The following ANKRD6 variants were observed in gnomAD, a reference collection of about 807,000 sequenced individuals.
The protein encoded by ANKRD6 is ankyrin repeat domain 6.
ANKRD6 carries 56 observed loss-of-function variants against 82.3 expected under a neutral mutation model. The observed-to-expected ratio is 0.68, with a 90% CI of 0.55 to 0.85. The LOEUF (loss-of-function observed/expected upper bound fraction) is 0.85. Among genes scored for constraint, ANKRD6 ranks in the 40% least tolerant of loss-of-function variants. ANKRD6 has a pLI of 0.00. For synonymous variants in ANKRD6, 347 were observed against 352.1 expected (o/e 0.99, Z 0.16); for missense variants, 852 against 907.6 (o/e 0.94, Z 0.79).
chr6:89,563,526 G>A (rs1273071014), intron 1 of ANKRD6, among the ~76,000 whole-genome samples: 2 of 152,228 alleles, frequency 1.3e-5, no homozygotes, highest in Non-Finnish European at 2.9e-5. Flanking sequence ...GCAATGGGAA[G>A]TATCTTGAAT....
At chr6:89,469,758 C>T (rs1775238371) in intron 1 of ANKRD6, among the ~76,000 whole-genome samples, 1 of 152,182 alleles carries the variant, frequency 6.6e-6, no homozygotes, top group Non-Finnish European at 1.5e-5. Context: ...ATTACTCTTG[C>T]CTGAGGGTAG....
At chr6:89,522,424 T>C (rs190215478) in intron 1 of ANKRD6, among the ~76,000 whole-genome samples, 1 of 152,286 alleles carries the variant, frequency 6.6e-6, no homozygotes, top group African/African-American at 2.4e-5. Flanking sequence ...TTCTGTAGAA[T>C]GAGCTGAAAT....
In ANKRD6 at chr6:89,452,432, A is replaced by G. The variant is rs114630498; in HGVS notation, c.-144+19057A>G. On this transcript the variant is annotated intron_variant, in intron 1 of 15. Coordinates refer to ENST00000339746, the MANE Select transcript of ANKRD6 (RefSeq NM_001242809.2). Reference sequence around the variant, plus strand: ...GGAAATGTTATAATACTAAATCTAGAAGGGAAACCAAAGTATTGATTGTAA... The same window carrying G: ...GGAAATGTTATAATACTAAATCTAGGAGGGAAACCAAAGTATTGATTGTAA... 6.7e-3 allele frequency among the ~76,000 whole-genome samples: 1,015 copies of G among 152,330 alleles called. 25 individuals carry two copies. Among genetic ancestry groups the G allele is most frequent in the African/African-American group, 0.023 (958 of 41,572 alleles).
At chr6:89,563,302 G>C (rs955104487) in intron 1 of ANKRD6, among the ~76,000 whole-genome samples, 2 of 152,214 alleles carry the variant, frequency 1.3e-5, no homozygotes, top group Non-Finnish European at 2.9e-5. Flanking sequence ...CAGTGGGCTG[G>C]GAGGATGGAG....
intron 1 of ANKRD6, among the ~76,000 whole-genome samples, chr6:89,449,810 C>T (rs893513639): frequency 3.3e-5 from 5 of 152,164 alleles, no homozygotes; most frequent in Non-Finnish European, 5.9e-5. Context: ...ATTCTCTTTT[C>T]TAACTCCCGA....
At chr6:89,594,384 G>C (rs1006200368) in intron 2 of ANKRD6, among the ~76,000 whole-genome samples, 2 of 152,028 alleles carry the variant, frequency 1.3e-5, no homozygotes, top group African/African-American at 4.8e-5. Context: ...GAGCCAAAAG[G>C]TTGAAGCTGC....
intron 1 of ANKRD6, among the ~76,000 whole-genome samples, chr6:89,546,510 C>T (rs1228617269): frequency 6.6e-6 from 1 of 152,172 alleles, no homozygotes; most frequent in South Asian, 2.1e-4. Flanking sequence ...GTCACCCAGG[C>T]TGGAATGCAG....
chr6:89,469,026 G>A (rs7766304), intron 1 of ANKRD6, among the ~76,000 whole-genome samples: 44,261 of 151,900 alleles, frequency 0.29, 6,625 homozygotes, highest in African/African-American at 0.31. Context: ...GTTTTCCTGA[G>A]AACTGTTAAT....
intron 7 of ANKRD6, among the ~76,000 whole-genome samples, chr6:89,616,130 T>C (rs982000944): frequency 2.6e-5 from 4 of 152,212 alleles, no homozygotes; most frequent in Non-Finnish European, 4.4e-5. Flanking sequence ...CGGCTTCTCC[T>C]GCTCAATCCA....
intron 1 of ANKRD6, among the ~76,000 whole-genome samples, chr6:89,528,133 G>A (rs1347383345): frequency 6.6e-6 from 1 of 152,190 alleles, no homozygotes; most frequent in Non-Finnish European, 1.5e-5. Flanking sequence ...AAAGTCAGAC[G>A]ATAGTGAGTT....
intron 1 of ANKRD6, among the ~76,000 whole-genome samples, chr6:89,455,530 C>A (rs1447691193): frequency 6.6e-6 from 1 of 152,138 alleles, no homozygotes; most frequent in African/African-American, 2.4e-5. Context: ...GAATTGTAAT[C>A]CCCAATGTTG....
rs1350697689 is a variant in ANKRD6 at position 89,566,905 on chromosome 6, C to T, written c.-72C>T. On this transcript the variant is annotated 5_prime_UTR_variant, in exon 2 of 16. Coordinates refer to ENST00000339746, the MANE Select transcript of ANKRD6 (RefSeq NM_001242809.2). ...ACATCTTTACCTCTGGGTGCCAGGCCGGGCCAGTGACTTCGTGTTGAGCTG... is the reference window on the plus strand; with the variant it reads ...ACATCTTTACCTCTGGGTGCCAGGCTGGGCCAGTGACTTCGTGTTGAGCTG... 40 of 1,535,908 alleles carry T rather than the reference C, an allele frequency of 2.6e-5. 1 individual carries two copies. Among genetic ancestry groups the T allele is most frequent in the Admixed American group, 2.0e-4 (10 of 50,368 alleles).
chr6:89,617,352 A>C (rs1801844574), intron 8 of ANKRD6, among the ~76,000 whole-genome samples: 1 of 152,136 alleles, frequency 6.6e-6, no homozygotes, highest in South Asian at 2.1e-4. Flanking sequence ...TACAACCAGT[A>C]CTGGGGGTGC....
chr6:89,505,712 T>C (rs1235186669), intron 1 of ANKRD6, among the ~76,000 whole-genome samples: 1 of 152,182 alleles, frequency 6.6e-6, no homozygotes, highest in East Asian at 1.9e-4. Flanking sequence ...TAGAACTGCA[T>C]TGTGATCCAG....
intron 1 of ANKRD6, among the ~76,000 whole-genome samples, chr6:89,522,993 G>A (rs1430127227): frequency 1.3e-5 from 2 of 152,148 alleles, no homozygotes. Context: ...GCATTCCTAG[G>A]TGTTGATGCA....
chr6:89,623,505 C>T lies in ANKRD6; in HGVS notation c.993C>T (p.Pro331=), dbSNP rs757564280. 27 of 1,593,796 alleles carry T rather than the reference C, an allele frequency of 1.7e-5. No homozygotes were observed. Among genetic ancestry groups the T allele is most frequent in the African/African-American group, 1.5e-4 (11 of 74,448 alleles). ...REEFLSASPE[P]RAKDDRRRKS... is the part of the protein sequence containing the mutation. ...AGTTCCTGTCAGCCTCCCCAGAACC[C>T]AGAGCAAAGGATGACAGGAGGAGAA... Residue 331 remains proline (P), a synonymous_variant, in exon 11 of 16, where the codon CCC becomes CCT. Coordinates refer to ENST00000339746, the MANE Select transcript of ANKRD6 (RefSeq NM_001242809.2).
chr6:89,452,307 A>C (rs1369096120), intron 1 of ANKRD6, among the ~76,000 whole-genome samples: 4 of 152,234 alleles, frequency 2.6e-5, no homozygotes, highest in African/African-American at 7.2e-5. Flanking sequence ...TACAAGAGAA[A>C]ACATTTTCCC....
At chr6:89,520,011 A>G (rs1333123529) in intron 1 of ANKRD6, among the ~76,000 whole-genome samples, 5 of 152,188 alleles carry the variant, frequency 3.3e-5, no homozygotes, top group Admixed American at 2.6e-4. Context: ...TTTTTGAGAT[A>G]GGATCTCGCT....
chr6:89,592,399 A>G (rs965617821), intron 2 of ANKRD6, among the ~76,000 whole-genome samples: 7 of 152,048 alleles, frequency 4.6e-5, no homozygotes, highest in Non-Finnish European at 7.4e-5. Flanking sequence ...GGTTATTCCT[A>G]TTTTACAGAT....
Sources: gnomAD v4.1 joint callset for allele counts (sites outside exome capture counted in the v4.1 genomes callset) on GRCh38, gnomAD v4.1.1 for gene constraint, MANE v1.5 for transcripts, NCBI Gene and HGNC (gene_info 2026-07-23, HGNC 2026-07-21) for gene names.